Variants in PCDHA5 observed in about 807,000 individuals in gnomAD.
The protein encoded by PCDHA5 is protocadherin alpha-5.
Under a neutral mutation model 61.6 loss-of-function variants are expected in PCDHA5, and 43 were observed. The ratio of observed to expected loss-of-function variants is 0.70; its 90% CI spans 0.55 to 0.90. PCDHA5 has a LOEUF of 0.90. Among genes scored for constraint, PCDHA5 ranks in the 40% least tolerant of loss-of-function variants. The pLI, the probability that PCDHA5 is intolerant of heterozygous loss-of-function variation, is 0.00. For missense variants in PCDHA5, 1,298 were observed against 1,222.7 expected (o/e 1.06, Z -0.92); for synonymous variants, 627 against 543.9 (o/e 1.15, Z -2.13).
chr5:140,850,103 C>G (rs2150467019), intron 1 of PCDHA5: 2 of 1,596,104 alleles, frequency 1.3e-6, no homozygotes, highest in Admixed American at 3.4e-5. Flanking sequence ...TCCAGGTGAG[C>G]GCGCGCGACG....
At chr5:140,876,510 T>C in intron 1 of PCDHA5, 1 of 1,614,038 alleles carries the variant, frequency 6.2e-7, no homozygotes, top group Non-Finnish European at 8.5e-7. Flanking sequence ...TGAATGACAA[T>C]GTCCCTGAAG....
At chr5:140,882,376 C>G in intron 1 of PCDHA5, 1 of 1,614,190 alleles carries the variant, frequency 6.2e-7, no homozygotes, top group South Asian at 1.1e-5. Context: ...ACTCCGTCCC[C>G]GAGGAAGCAA....
intron 1 of PCDHA5, among the ~76,000 whole-genome samples, chr5:140,915,369 G>GTC (rs2077091836): frequency 6.6e-6 from 1 of 152,160 alleles, no homozygotes; most frequent in Admixed American, 6.5e-5. Context: ...ACCAGTAAGT[G>GTC]TCTCGGCATT....
At chr5:140,889,424 A>AT (rs1554183891) in intron 1 of PCDHA5, among the ~76,000 whole-genome samples, 2 of 151,956 alleles carry the variant, frequency 1.3e-5, no homozygotes, top group Non-Finnish European at 2.9e-5. Flanking sequence ...CGTAGATAAT[A>AT]TTTTTTCAGG....
intron 1 of PCDHA5, among the ~76,000 whole-genome samples, chr5:140,878,502 G>A (rs782817563): frequency 2.0e-5 from 3 of 152,028 alleles, no homozygotes; most frequent in Admixed American, 6.5e-5. Flanking sequence ...CCATCTGTAC[G>A]ATACAGTACA....
At position 140,838,077 on chromosome 5, in the gene PCDHA5, A is replaced by AGTGT. The variant is rs57130401; in HGVS notation, c.2352+14001_2352+14004dup. On this transcript the variant is annotated intron_variant, in intron 1 of 3. Transcript: ENST00000529859. ...TTTCCACTTTAAGTTATATATATAT[A>AGTGT]GTGTGTGTGTGTGTGTGTGTGTGTG... is the stretch of plus-strand genomic sequence containing the variant. Among the ~76,000 whole-genome samples, 532 of 80,648 alleles carry AGTGT rather than the reference A, an allele frequency of 6.6e-3. 5 individuals are homozygous for AGTGT. Among genetic ancestry groups the AGTGT allele is most frequent in the South Asian group, 0.011 (25 of 2,340 alleles). The allele number at this position is 80,648 out of a possible 152,430, so 52.9% of individuals were successfully genotyped here.
intron 1 of PCDHA5, among the ~76,000 whole-genome samples, chr5:140,900,300 A>G (rs1554189024): frequency 6.6e-6 from 1 of 151,644 alleles, no homozygotes; most frequent in Non-Finnish European, 1.5e-5. Flanking sequence ...GTTTTTTTAG[A>G]CAGTCTCACT....
In PCDHA5 at chr5:140,883,616, G is replaced by GACAAC; in HGVS notation, c.2352+59490_2352+59494dup. On this transcript the variant is annotated intron_variant, in intron 1 of 3. Coordinates refer to ENST00000529859, the MANE Select transcript of PCDHA5 (RefSeq NM_018908.3). ...GTCGGTGGGGGTGGCCGACGTGAAC[G>GACAAC]ACAACGCGCCGGCGTTCGCGCAGCC... The GACAAC allele has an allele frequency of 3.1e-6, 5 of 1,614,014 alleles. No homozygotes were observed. The South Asian group carries it at 5.5e-5, about 18-fold the overall frequency.
rs1340028669 is a variant in PCDHA5 at position 140,846,205 on chromosome 5, T to A, written c.2352+22078T>A. ...GTTTGAGTTCTTTGTATGTATGAGA[T>A]CTTTCCATTAATAGTATTTTTCTTA... On this transcript the variant is annotated intron_variant, in intron 1 of 3. Transcript: ENST00000529859. Among the ~76,000 whole-genome samples, 4 of 149,544 alleles carry A rather than the reference T, an allele frequency of 2.7e-5. 1 individual carries two copies. The highest frequency in any genetic ancestry group is 6.0e-5 in the Non-Finnish European group (4 of 66,902).
At chr5:140,831,691 C>A (rs2150109264) in intron 1 of PCDHA5, among the ~76,000 whole-genome samples, 1 of 152,138 alleles carries the variant, frequency 6.6e-6, no homozygotes, top group Admixed American at 6.6e-5. Context: ...TGAAAAGCAG[C>A]AAAAAGTAGT....
At chr5:140,914,197 T>G (rs2076637069) in intron 1 of PCDHA5, among the ~76,000 whole-genome samples, 1 of 152,234 alleles carries the variant, frequency 6.6e-6, no homozygotes, top group South Asian at 2.1e-4. Flanking sequence ...ATTATTGTAT[T>G]GTGATCTCTA....
intron 1 of PCDHA5, among the ~76,000 whole-genome samples, chr5:140,914,503 T>C (rs2879076): frequency 0.12 from 17,707 of 152,222 alleles, 1,150 homozygotes; most frequent in Middle Eastern, 0.19. Context: ...CAACAGATCA[T>C]TGGGTCATGT....
intron 3 of PCDHA5, among the ~76,000 whole-genome samples, chr5:140,999,721 G>T (rs2097872214): frequency 6.6e-6 from 1 of 152,150 alleles, no homozygotes; most frequent in South Asian, 2.1e-4. Flanking sequence ...ACGGAGACCA[G>T]CCATTCCAAT....
intron 1 of PCDHA5, chr5:140,829,804 T>A (rs2150175080): frequency 1.2e-6 from 2 of 1,613,624 alleles, no homozygotes; most frequent in African/African-American, 2.7e-5. Context: ...CTCGGGTGGG[T>A]GGTACTGGTG....
chr5:140,988,025 G>A (rs1305100946), intron 3 of PCDHA5, among the ~76,000 whole-genome samples: 1 of 152,136 alleles, frequency 6.6e-6, no homozygotes, highest in African/African-American at 2.4e-5. Context: ...TGATTCTTAA[G>A]TTTTTTAGAA....
intron 1 of PCDHA5, among the ~76,000 whole-genome samples, chr5:140,826,676 T>A (rs1377282771): frequency 6.6e-6 from 1 of 152,118 alleles, no homozygotes; most frequent in Non-Finnish European, 1.5e-5. Context: ...GTAGACGTAA[T>A]TAAAAAAACC....
At position 140,968,158 on chromosome 5, in the gene PCDHA5, C is replaced by T. The variant is rs191279827; in HGVS notation, c.2353-10791C>T. The T allele has an allele frequency of 3.7e-6, 6 of 1,614,124 alleles. No individual in the cohort carries two copies. The African/African-American group carries it at 4.0e-5, about 11-fold the overall frequency. On this transcript the variant is annotated intron_variant, in intron 1 of 3. Transcript: ENST00000529859. ...AGGTTGAGATCTCTGACATCAATGA[C>T]AATCCACCAAGCTTCCTGGAGGACT...
chr5:140,984,419 T>C (rs564096734), intron 3 of PCDHA5, among the ~76,000 whole-genome samples: 5 of 152,290 alleles, frequency 3.3e-5, no homozygotes, highest in African/African-American at 9.6e-5. Context: ...TTTACAGAGA[T>C]AGAGAAGGGG....
chr5:140,984,861 C>A (rs1163314869), intron 3 of PCDHA5, among the ~76,000 whole-genome samples: 1 of 151,870 alleles, frequency 6.6e-6, no homozygotes, highest in Non-Finnish European at 1.5e-5. Flanking sequence ...ATAATAACAC[C>A]TATTTTATTG....
Sources: gnomAD v4.1 joint callset for allele counts (sites outside exome capture counted in the v4.1 genomes callset) on GRCh38, gnomAD v4.1.1 for gene constraint, MANE v1.5 for transcripts, NCBI Gene and HGNC (gene_info 2026-07-23, HGNC 2026-07-21) for gene names.